The following DHX34 variants were observed in gnomAD, a reference collection of about 807,000 sequenced individuals.
DHX34 encodes DExH-box helicase 34.
In DHX34, 96 loss-of-function variants were observed where a neutral mutation model predicts 111.1. That is an observed-to-expected ratio of 0.86 (90% CI 0.73 to 1.02). The LOEUF (loss-of-function observed/expected upper bound fraction) is 1.02. DHX34 is among the 50% of genes least tolerant of loss of function. The pLI is 0.00. For missense variants in DHX34, 1,560 were observed against 1,579.9 expected (o/e 0.99, Z 0.21); for synonymous variants, 688 against 670.4 (o/e 1.03, Z -0.41).
At chr19:47,350,531 C>T (rs565867402) in intron 1 of DHX34, among the ~76,000 whole-genome samples, 40 of 151,712 alleles carry the variant, frequency 2.6e-4, no homozygotes, top group African/African-American at 9.4e-4. Flanking sequence ...AAGCGAGTCT[C>T]CTGCCTCAGC....
At chr19:47,363,472 C>T (rs1292477086) in intron 6 of DHX34, among the ~76,000 whole-genome samples, 1 of 152,070 alleles carries the variant, frequency 6.6e-6, no homozygotes, top group Non-Finnish European at 1.5e-5. Context: ...CTGAGGGGAA[C>T]CCATCCCTTC....
intron 13 of DHX34, among the ~76,000 whole-genome samples, chr19:47,378,067 C>T (rs991977911): frequency 6.6e-6 from 1 of 152,182 alleles, no homozygotes; most frequent in African/African-American, 2.4e-5. Context: ...GGTGGCCAAG[C>T]CAGAGCTCCT....
intron 2 of DHX34, among the ~76,000 whole-genome samples, chr19:47,354,150 A>G (rs549003687): frequency 2.0e-5 from 3 of 152,222 alleles, no homozygotes; most frequent in Admixed American, 6.5e-5. Context: ...TTTAGTAGAG[A>G]CGGGGTTTCA....
At chr19:47,377,567 G>A (rs1335008733) in intron 13 of DHX34, among the ~76,000 whole-genome samples, 4 of 123,652 alleles carry the variant, frequency 3.2e-5, no homozygotes, top group Non-Finnish European at 6.5e-5. Context: ...TGTGGTACAA[G>A]ATAAGGCCAC....
intron 7 of DHX34, 168 bp from the exon 8 acceptor site, chr19:47,372,562 G>A (rs2122317952): frequency 1.0e-6 from 1 of 978,192 alleles, no homozygotes; most frequent in East Asian, 1.1e-4. Flanking sequence ...TGACCAGAAA[G>A]CACAGCGCGT....
chr19:47,379,687 G>T (rs1327416372), intron 13 of DHX34, 23 bp from the exon 14 acceptor site: 1 of 1,577,408 alleles, frequency 6.3e-7, no homozygotes, highest in Admixed American at 1.7e-5. Flanking sequence ...CCTACTCCCT[G>T]TCTTCTGCCC....
chr19:47,372,971 A>C, intron 8 of DHX34, 48 bp downstream of exon 8: 1 of 1,527,754 alleles, frequency 6.5e-7, no homozygotes, highest in East Asian at 2.3e-5. Flanking sequence ...GCTCAGGGCC[A>C]AGGCCTTCTG....
intron 16 of DHX34, 51 bp from the exon 17 acceptor site, chr19:47,381,929 A>G (rs961066272): frequency 6.2e-7 from 1 of 1,612,130 alleles, no homozygotes; most frequent in Non-Finnish European, 8.5e-7. Context: ...GTGCAGGTAG[A>G]CCTGTGCACT....
chr19:47,355,069 C>A lies in DHX34; in HGVS notation c.736C>A (p.Arg246Ser), dbSNP rs745738438. 8 of 1,613,392 alleles carry A rather than the reference C, an allele frequency of 5.0e-6. No individual in the cohort carries two copies. The Admixed American group carries it at 1.2e-4, about 24-fold the overall frequency. Residue 246 changes from arginine (R) to serine (S), a missense_variant, in exon 3 of 17, where the codon CGT becomes AGT. By Grantham distance (110) the Arg-to-Ser change is moderately radical. Coordinates refer to ENST00000328771, the MANE Select transcript of DHX34 (RefSeq NM_014681.6). ...CTACCAGATCCGCTTTGAGAGCACA[C>A]GTTCGGCGGCCACCAAGATTGTATT... ...VGYQIRFEST[R>S]SAATKIVFLT... is the part of the protein sequence containing the mutation.
chr19:47,380,090 A>C, intron 14 of DHX34, 105 bp downstream of exon 14: 1 of 1,447,670 alleles, frequency 6.9e-7, no homozygotes, highest in Non-Finnish European at 9.1e-7. Context: ...CCACATGGGC[A>C]CATTTGGGGG....
chr19:47,356,238 T>C (rs990778205), intron 3 of DHX34, among the ~76,000 whole-genome samples: 10 of 152,166 alleles, frequency 6.6e-5, no homozygotes, highest in African/African-American at 2.4e-4. Flanking sequence ...TAGTGAGTTA[T>C]CCTTGTCTGT....
chr19:47,358,456 G>GT lies in DHX34; in HGVS notation c.1272+351dup, dbSNP rs34363653. ...GTGGGTGAGGCTGTGTTCCAAAACA[G>GT]TTTTTTTTTTTTTTTGAAACAGGGT... On this transcript the variant is annotated intron_variant, in intron 4 of 16. Coordinates refer to ENST00000328771, the MANE Select transcript of DHX34 (RefSeq NM_014681.6). 5.4e-3 allele frequency among the ~76,000 whole-genome samples: 779 copies of GT among 143,206 alleles called. 3 individuals carry two copies. Among genetic ancestry groups the GT allele is most frequent in the Non-Finnish European group, 6.6e-3 (428 of 65,256 alleles). The allele number at this position is 143,206 out of a possible 152,430, so 93.9% of individuals were successfully genotyped here. A position where few individuals can be genotyped will look rare whatever the true frequency, so the allele number is the denominator to read the frequency against.
chr19:47,355,480 G>A, intron 3 of DHX34, 130 bp downstream of exon 3: 1 of 1,388,300 alleles, frequency 7.2e-7, no homozygotes, highest in South Asian at 1.4e-5. Context: ...TTTTTTTAAA[G>A]CTACCATTTT....
intron 5 of DHX34, 160 bp from the exon 6 acceptor site, chr19:47,362,316 A>G (rs1165865405): frequency 1.0e-6 from 1 of 955,224 alleles, no homozygotes; most frequent in African/African-American, 1.8e-5. Flanking sequence ...GAAAGAATAA[A>G]TGAACAAAAT....
At chr19:47,374,044 G>A (rs939378747) in intron 9 of DHX34, among the ~76,000 whole-genome samples, 1 of 152,170 alleles carries the variant, frequency 6.6e-6, no homozygotes, top group Non-Finnish European at 1.5e-5. Flanking sequence ...AGACACCTCA[G>A]CCACAGATCC....
At chr19:47,364,225 C>A (rs979725726) in intron 6 of DHX34, among the ~76,000 whole-genome samples, 1 of 152,118 alleles carries the variant, frequency 6.6e-6, no homozygotes, top group African/African-American at 2.4e-5. Context: ...GCCTTGCACT[C>A]ACCACTCCTG....
rs1969419503 is a variant in DHX34, at chr19:47,355,206, C to T, written c.873C>T (p.Leu291=). The change falls in exon 3 of 17, where the codon CTC becomes CTT. Residue 291 remains leucine (L), a synonymous_variant. Coordinates refer to ENST00000328771, the MANE Select transcript of DHX34 (RefSeq NM_014681.6). ...VHERHLHNDF[L]LGVLQRLLPT... The stretch of plus-strand genomic sequence containing the variant: ...AGCGGCATCTCCACAACGATTTCCT[C>T]CTGGGCGTCCTCCAGCGCCTGTTGC... 6.2e-7 allele frequency: 1 copy of T among 1,614,224 alleles called. No individual in the cohort carries two copies. Among genetic ancestry groups the T allele is most frequent in the Non-Finnish European group, 8.5e-7 (1 of 1,180,032 alleles).
intron 14 of DHX34, 110 bp downstream of exon 14, chr19:47,380,095 T>TG (rs1394811746): frequency 6.2e-6 from 9 of 1,445,464 alleles, no homozygotes; most frequent in Non-Finnish European, 8.2e-6. Context: ...TGGGCACATT[T>TG]GGGGGTTTTC....
At chr19:47,355,385 C>G in intron 3 of DHX34, 35 bp downstream of exon 3, 1 of 1,596,446 alleles carries the variant, frequency 6.3e-7, no homozygotes, top group Non-Finnish European at 8.6e-7. Flanking sequence ...ATCCCCAGAC[C>G]TCCAACCTGG....
Sources: gnomAD v4.1 joint callset for allele counts (sites outside exome capture counted in the v4.1 genomes callset) on GRCh38, gnomAD v4.1.1 for gene constraint, MANE v1.5 for transcripts, NCBI Gene and HGNC (gene_info 2026-07-23, HGNC 2026-07-21) for gene names.